TRPM6: variants seen among roughly 807,000 people sequenced by gnomAD.
TRPM6 encodes transient receptor potential cation channel subfamily M member 6.
A neutral mutation model predicts 247.6 loss-of-function variants in TRPM6; 111 were observed. That is an observed-to-expected ratio of 0.45 (90% confidence interval 0.38 to 0.52). TRPM6 has a LOEUF of 0.52. Among genes scored for constraint, TRPM6 ranks in the 20% least tolerant of loss-of-function variants. TRPM6 has a pLI of 0.00. For synonymous variants in TRPM6, 892 were observed against 853.8 expected, an observed-to-expected ratio of 1.04 and a Z score of -0.78; for missense variants, 2,126 against 2,421.5, an observed-to-expected ratio of 0.88 and a Z score of 2.56.
Position 74,776,024 on chromosome 9 carries a change from G to A in TRPM6, c.3262C>T (p.Arg1088Cys), listed in dbSNP as rs757514127. The A allele has an allele frequency of 1.4e-5, 23 of 1,613,942 alleles. No homozygotes were observed. The highest frequency in any genetic ancestry group is 4.0e-5 in the African/African-American group (3 of 74,892). Reference protein sequence around the residue: ...SISNNLWKYNRYRYIMTYHEK... With the variant: ...SISNNLWKYNCYRYIMTYHEK... ...TGGTAGGTCATGATGTAGCGATAGC[G>A]GTTGTATTTCCACAGGTTATTTGAA... Residue 1088 changes from arginine (R) to cysteine (C), a missense_variant, in exon 24 of 39, where the codon CGC (arginine) becomes TGC (cysteine). This residue lies in a region of TRPM6 where 717 missense variants were observed against 715.9 expected (regional missense o/e 1.00). Transcript: ENST00000360774.
intron 17 of TRPM6, among the ~76,000 whole-genome samples, chr9:74,799,397 A>T: frequency 6.6e-6 from 1 of 152,288 alleles, no homozygotes; most frequent in Middle Eastern, 3.4e-3. Context: ...GTCAAAGATT[A>T]AATGTCCTTA....
rs1358388271 is a variant in TRPM6, at chr9:74,860,367, CG to C, written c.34-1620del. 7.9e-5 allele frequency among the ~76,000 whole-genome samples: 12 copies of C among 151,666 alleles called. No homozygotes were observed. In the East Asian group the frequency reaches 2.3e-3, roughly 29 times the overall value. On this transcript the variant is annotated intron_variant, in intron 1 of 38. Transcript: ENST00000360774. ...TTTTATTTTTTTATTTTTTTTGAGACGGAGTCTTGCTCTGTTGCCCAGGCAT... is the reference window on the plus strand; with the variant it reads ...TTTTATTTTTTTATTTTTTTTGAGACGAGTCTTGCTCTGTTGCCCAGGCAT...
rs186456960 is a variant in TRPM6 at position 74,726,308 on chromosome 9, G to A, written c.5936-1562C>T. ...GTGGATAACCTGAGGTCAAGAGTTC[G>A]AGACCAGGCTGGCCGATGTGGTGAA... is the stretch of plus-strand genomic sequence containing the variant. On this transcript the variant is annotated intron_variant, in intron 38 of 38. Transcript: ENST00000360774. Among the ~76,000 whole-genome samples the A allele has an allele frequency of 5.9e-5, 9 of 152,194 alleles. No homozygotes were observed. In the East Asian group the frequency reaches 1.4e-3, roughly 23 times the overall value.
Position 74,842,381 on chromosome 9 carries a change from T to C in TRPM6, c.153-38A>G, listed in dbSNP as rs189489519. The C allele has an allele frequency of 0.013, 21,545 of 1,606,072 alleles. 201 individuals are homozygous for C. The highest frequency in any genetic ancestry group is 0.016 in the Non-Finnish European group (18,565 of 1,172,772). Reference sequence around the variant, plus strand: ...ACCAAAAAAAAACTCAACTTCAAAATAGAAAATAGATGCAATATGTCTACC... The same window carrying C: ...ACCAAAAAAAAACTCAACTTCAAAACAGAAAATAGATGCAATATGTCTACC... On this transcript the variant is annotated intron_variant, in intron 3 of 38. Transcript: ENST00000360774.
intron 33 of TRPM6, among the ~76,000 whole-genome samples, chr9:74,741,993 T>G (rs1159590862): frequency 6.6e-6 from 1 of 152,146 alleles, no homozygotes; most frequent in African/African-American, 2.4e-5. Context: ...CAAGGACACT[T>G]TGGGGACCCT....
intron 3 of TRPM6, among the ~76,000 whole-genome samples, chr9:74,851,131 A>G (rs978150285): frequency 6.6e-6 from 1 of 152,216 alleles, no homozygotes; most frequent in African/African-American, 2.4e-5. Context: ...ATTAAATTGT[A>G]GCAAGGTCCC....
intron 1 of TRPM6, among the ~76,000 whole-genome samples, chr9:74,872,959 A>G (rs1016830239): frequency 9.2e-5 from 14 of 152,184 alleles, no homozygotes; most frequent in Non-Finnish European, 1.6e-4. Flanking sequence ...TGAACAAGTC[A>G]TTATCACATA....
chr9:74,877,005 T>C (rs1020966021), intron 1 of TRPM6, among the ~76,000 whole-genome samples: 1 of 152,170 alleles, frequency 6.6e-6, no homozygotes, highest in Non-Finnish European at 1.5e-5. Flanking sequence ...AAATCATTAG[T>C]CATAAGGGAA....
In TRPM6 at chr9:74,779,587, C is replaced by T. The variant is rs567754069; in HGVS notation, c.3209+2775G>A. ...AAGGAATCAAATACCTAGCACAGTGCCTGACAGTTAAGAGGCATCTAGAAA... is the reference window on the plus strand; with the variant it reads ...AAGGAATCAAATACCTAGCACAGTGTCTGACAGTTAAGAGGCATCTAGAAA... On this transcript the variant is annotated intron_variant, in intron 23 of 38. Transcript: ENST00000360774. Among the ~76,000 whole-genome samples the T allele has an allele frequency of 4.6e-5, 7 of 152,304 alleles. 1 individual carries two copies. In the South Asian group the frequency reaches 1.0e-3, roughly 23 times the overall value.
Position 74,739,910 on chromosome 9 carries a change from A to T in TRPM6, c.5300T>A (p.Ile1767Asn). The change falls in exon 34 of 39, where the codon ATC becomes AAC. Residue 1767 changes from isoleucine (I) to asparagine (N), a missense_variant. Coordinates refer to ENST00000360774, the MANE Select transcript of TRPM6 (RefSeq NM_017662.5). ...SWSQRGRAAM[I>N]QVLSREEMDG... ...CATCTCCTCTCGGGACAATACCTGGATCATTGCCGCTCTCCCACGCTGAGA... is the reference window on the plus strand; with the variant it reads ...CATCTCCTCTCGGGACAATACCTGGTTCATTGCCGCTCTCCCACGCTGAGA... The T allele has an allele frequency of 6.2e-7, 1 of 1,614,108 alleles. No homozygotes were observed. The highest frequency in any genetic ancestry group is 8.5e-7 in the Non-Finnish European group (1 of 1,180,018).
Position 74,855,516 on chromosome 9 carries a change from C to T in TRPM6, c.152+11G>A, listed in dbSNP as rs1480689264. Reference sequence around the variant, plus strand: ...AAAAGCTAAAAGGAATCTTGCTTATCTAAGTCTTACCTGATTAAATTCTGG... The same window carrying T: ...AAAAGCTAAAAGGAATCTTGCTTATTTAAGTCTTACCTGATTAAATTCTGG... On this transcript the variant is annotated intron_variant, in intron 3 of 38. Transcript: ENST00000360774. 7 of 1,597,690 alleles carry T rather than the reference C, an allele frequency of 4.4e-6. No homozygotes were observed. The highest frequency in any genetic ancestry group is 2.2e-5 in the South Asian group (2 of 90,712).
chr9:74,788,848 A>G, intron 19 of TRPM6, 106 bp from the exon 20 acceptor site: 2 of 1,369,612 alleles, frequency 1.5e-6, no homozygotes, highest in Non-Finnish European at 2.0e-6. Context: ...CAACATGATA[A>G]CACGAACACA....
In TRPM6 at chr9:74,794,026, AGAGAC is replaced by A. The variant is rs146786831; in HGVS notation, c.2392-1261_2392-1257del. 1.6e-3 allele frequency among the ~76,000 whole-genome samples: 245 copies of A among 152,312 alleles called. 2 individuals carry two copies. In the East Asian group the frequency reaches 0.045, roughly 28 times the overall value. ...AAAAGAAAAGAGAAAAAGGAAAAGA[AGAGAC>A]AAGACAAGACAAGAAAAGAAGCATT... On this transcript the variant is annotated intron_variant, in intron 18 of 38. Transcript: ENST00000360774.
At chr9:74,785,734 A>G (rs1414334743) in intron 21 of TRPM6, 140 bp downstream of exon 21, 5 of 929,694 alleles carry the variant, frequency 5.4e-6, no homozygotes, top group Admixed American at 3.8e-5. Flanking sequence ...CCTGTTAGCC[A>G]GGATGTTCTT....
intron 29 of TRPM6, among the ~76,000 whole-genome samples, chr9:74,751,219 C>G (rs916041445): frequency 6.6e-6 from 1 of 152,148 alleles, no homozygotes; most frequent in African/African-American, 2.4e-5. Context: ...TACTCAAATT[C>G]AATTATTTCC....
chr9:74,796,719 T>C, intron 18 of TRPM6, 22 bp downstream of exon 18: 3 of 1,613,262 alleles, frequency 1.9e-6, no homozygotes, highest in Non-Finnish European at 2.5e-6. Flanking sequence ...GAAAATTCAG[T>C]TCATTATGAT....
chr9:74,752,456 G>A, intron 28 of TRPM6, 88 bp from the exon 29 acceptor site: 1 of 751,862 alleles, frequency 1.3e-6, no homozygotes, highest in Non-Finnish European at 2.2e-6. Context: ...TCTGAACACA[G>A]TACATTCATT....
intron 38 of TRPM6, among the ~76,000 whole-genome samples, chr9:74,725,103 C>T (rs989820870): frequency 6.6e-6 from 1 of 152,104 alleles, no homozygotes; most frequent in Admixed American, 6.6e-5. Flanking sequence ...GAGAGGTCAG[C>T]CAAGAAGGCT....
At chr9:74,845,887 T>C (rs1378784265) in intron 3 of TRPM6, among the ~76,000 whole-genome samples, 2 of 152,116 alleles carry the variant, frequency 1.3e-5, no homozygotes, top group East Asian at 1.9e-4. Flanking sequence ...ACATGTTGAA[T>C]AAAACTAACA....
Sources: allele counts gnomAD v4.1 joint callset (sites outside exome capture counted in the v4.1 genomes callset), GRCh38; gene constraint gnomAD v4.1.1; regional missense constraint gnomAD v4.1.1; transcripts MANE v1.5; gene names NCBI Gene and HGNC (gene_info 2026-07-23, HGNC 2026-07-21).